Variants in PLA2G4E observed in about 807,000 individuals in gnomAD.
PLA2G4E encodes cytosolic phospholipase A2 epsilon.
PLA2G4E carries 84 observed loss-of-function variants against 109.1 expected under a neutral mutation model. The ratio of observed to expected loss-of-function variants is 0.77; its 90% CI spans 0.65 to 0.92. The LOEUF (loss-of-function observed/expected upper bound fraction) is 0.92, where lower values mean the gene tolerates loss of function less well. Among genes scored for constraint, PLA2G4E ranks in the 40% least tolerant of loss-of-function variants. The pLI is 0.00. For missense variants in PLA2G4E, 1,057 were observed against 1,076.6 expected, an observed-to-expected ratio of 0.98 and a Z score of 0.25; for synonymous variants, 469 against 436.1, an observed-to-expected ratio of 1.08 and a Z score of -0.94.
At position 41,990,417 on chromosome 15, in the gene PLA2G4E, A is replaced by G. The variant is rs372235007; in HGVS notation, c.1471-182T>C. Reference sequence around the variant, plus strand: ...CTGAAAGGGCACCAATGGCATAGGCACCACCCCCTCGGGCTGCCCACCACC... The same window carrying G: ...CTGAAAGGGCACCAATGGCATAGGCGCCACCCCCTCGGGCTGCCCACCACC... On this transcript the variant is annotated intron_variant, in intron 13 of 19. Transcript: ENST00000399518. 1.5e-3 allele frequency among the ~76,000 whole-genome samples: 223 copies of G among 152,098 alleles called. 1 individual carries two copies. Among genetic ancestry groups the G allele is most frequent in the African/African-American group, 5.0e-3 (209 of 41,480 alleles).
exon 4 of PLA2G4E, chr15:42,006,064 G>T (rs1215408819): frequency 6.2e-7 from 1 of 1,613,928 alleles, no homozygotes; most frequent in Non-Finnish European, 8.5e-7. Context: ...AGAACTGTCA[G>T]GAGATGGTCA....
Position 42,021,162 on chromosome 15 carries a change from G to A in PLA2G4E, c.184-7405C>T, listed in dbSNP as rs553987433. ...GTTTGAGTGGGTAGACAGATAGGGT[G>A]CATGGGCCTAGATCTCTTCATATCA... On this transcript the variant is annotated intron_variant, in intron 1 of 19. Transcript: ENST00000399518. Among the ~76,000 whole-genome samples, 11 of 151,990 alleles carry A rather than the reference G, an allele frequency of 7.2e-5. No homozygotes were observed. In the South Asian group the frequency reaches 2.3e-3, roughly 32 times the overall value.
intron 1 of PLA2G4E, among the ~76,000 whole-genome samples, chr15:42,037,085 G>C (rs908637663): frequency 1.3e-5 from 2 of 152,252 alleles, no homozygotes; most frequent in Non-Finnish European, 2.9e-5. Context: ...GGGGTGGGGG[G>C]TGAGGCCAAG....
intron 13 of PLA2G4E, among the ~76,000 whole-genome samples, chr15:41,991,574 C>A (rs937992): frequency 8.5e-5 from 13 of 152,054 alleles, no homozygotes; most frequent in South Asian, 4.2e-4. Flanking sequence ...AGCCATGTCC[C>A]ATTCCTTTCT....
At chr15:42,050,287 T>C (rs1310692569) in intron 1 of PLA2G4E, among the ~76,000 whole-genome samples, 1 of 152,200 alleles carries the variant, frequency 6.6e-6, no homozygotes. Flanking sequence ...TATCAGTGCA[T>C]AGAATGCACT....
chr15:42,005,948 T>C, intron 4 of PLA2G4E, 42 bp downstream of exon 4: 1 of 1,602,922 alleles, frequency 6.2e-7, no homozygotes, highest in Non-Finnish European at 8.5e-7. Flanking sequence ...GCTATGAGGT[T>C]ATCATGAAGC....
chr15:42,010,142 C>CCCCA, intron 2 of PLA2G4E: 1 of 454,256 alleles, frequency 2.2e-6, no homozygotes. Flanking sequence ...GCCCCCCCAC[C>CCCCA]CCGGGCCTGG....
chr15:41,995,252 G>T, intron 12 of PLA2G4E, 108 bp downstream of exon 12: 1 of 1,413,100 alleles, frequency 7.1e-7, no homozygotes, highest in Non-Finnish European at 9.6e-7. Context: ...CCAGGCTTCA[G>T]GAGTCACTTT....
At chr15:42,010,108 T>A in intron 2 of PLA2G4E, 1 of 514,638 alleles carries the variant, frequency 1.9e-6, no homozygotes. Flanking sequence ...CTTGAACCCT[T>A]CCCTTGGCTT....
intron 18 of PLA2G4E, 32 bp from the exon 19 acceptor site, chr15:41,984,651 TAGG>T (rs1482880160): frequency 5.2e-6 from 8 of 1,528,880 alleles, no homozygotes; most frequent in African/African-American, 1.4e-5. Context: ...GTTTGAGCAT[TAGG>T]AGGAGTGGGA....
chr15:42,007,715 C>T lies in PLA2G4E; in HGVS notation c.393+14G>A, dbSNP rs149394366. The T allele has an allele frequency of 1.6e-4, 252 of 1,609,516 alleles. 2 individuals carry two copies. The East Asian group carries it at 5.5e-3, about 35-fold the overall frequency. On this transcript the variant is annotated intron_variant, in intron 3 of 19. Coordinates refer to ENST00000399518, the Ensembl canonical transcript of PLA2G4E. ...TGCAGACAGGGAAGACAGGTGCAGT[C>T]CTCCATGTCTCACCTTCACTCGGCT... is the stretch of plus-strand genomic sequence containing the variant.
At chr15:41,999,337 A>G (rs1002863764) in intron 10 of PLA2G4E, among the ~76,000 whole-genome samples, 187 bp downstream of exon 10, 3 of 152,186 alleles carry the variant, frequency 2.0e-5, no homozygotes, top group Non-Finnish European at 4.4e-5. Flanking sequence ...CAAATAACCC[A>G]CATAAAAAGT....
intron 1 of PLA2G4E, among the ~76,000 whole-genome samples, chr15:42,018,970 T>C (rs2068622364): frequency 6.6e-6 from 1 of 152,220 alleles, no homozygotes; most frequent in South Asian, 2.1e-4. Context: ...TGGGCTGTGC[T>C]CTAGCTGCTG....
chr15:41,986,656 A>G (rs2068146675), intron 17 of PLA2G4E, among the ~76,000 whole-genome samples: 1 of 151,980 alleles, frequency 6.6e-6, no homozygotes, highest in Admixed American at 6.6e-5. Flanking sequence ...AGCTGGGACT[A>G]CAGGTGCTCA....
intron 1 of PLA2G4E, among the ~76,000 whole-genome samples, chr15:42,049,048 C>T (rs1351852870): frequency 6.6e-6 from 1 of 152,202 alleles, no homozygotes; most frequent in Non-Finnish European, 1.5e-5. Flanking sequence ...CAACAGCAGG[C>T]CTAGCCGATG....
chr15:42,001,143 G>A lies in PLA2G4E; in HGVS notation c.673+14C>T. Reference sequence around the variant, plus strand: ...CCTTGTCCCCCAGTAGGCAGAAAAGGCAAAACAGCTCACTTTTCTCCCTCT... The same window carrying A: ...CCTTGTCCCCCAGTAGGCAGAAAAGACAAAACAGCTCACTTTTCTCCCTCT... On this transcript the variant is annotated intron_variant, in intron 7 of 19. Transcript: ENST00000399518. The A allele has an allele frequency of 1.2e-6, 2 of 1,610,032 alleles. No individual in the cohort carries two copies. Among genetic ancestry groups the A allele is most frequent in the Non-Finnish European group, 1.7e-6 (2 of 1,176,466 alleles).
intron 9 of PLA2G4E, 52 bp from the exon 10 acceptor site, chr15:41,999,613 T>C: frequency 1.3e-6 from 2 of 1,597,376 alleles, no homozygotes; most frequent in East Asian, 2.3e-5. Flanking sequence ...CAGAGCCAAG[T>C]GATCCCAGAT....
rs771714872 is a variant in PLA2G4E, at chr15:41,992,745, C to G, written c.1462G>C (p.Gly488Arg). The G allele has an allele frequency of 3.7e-6, 6 of 1,611,420 alleles. No individual in the cohort carries two copies. In the East Asian group the frequency reaches 8.9e-5, roughly 24 times the overall value. Residue 488 changes from glycine (G) to arginine (R), a missense_variant, in exon 13 of 20, where the codon GGG becomes CGG. Gly to Arg is a moderately radical substitution (Grantham distance 125). Coordinates refer to ENST00000399518, the Ensembl canonical transcript of PLA2G4E. ...AGAAGCCGAGCACCTACCTCGTCCC[C>G]CAGGCAGGTCTCTATCAGCAGGCCC...
At chr15:41,990,882 T>G (rs1220214227) in intron 13 of PLA2G4E, among the ~76,000 whole-genome samples, 1 of 151,586 alleles carries the variant, frequency 6.6e-6, no homozygotes, top group African/African-American at 2.4e-5. Flanking sequence ...AATCAGCCAC[T>G]GCAAACGAGG....
Sources: allele counts gnomAD v4.1 joint callset (sites outside exome capture counted in the v4.1 genomes callset), GRCh38; gene constraint gnomAD v4.1.1; transcripts MANE v1.5; gene names NCBI Gene and HGNC (gene_info 2026-07-23, HGNC 2026-07-21).